The following ADAM22 variants were observed in gnomAD, a reference collection of about 807,000 sequenced individuals.
The protein encoded by ADAM22 is ADAM metallopeptidase domain 22.
In ADAM22, 65 loss-of-function variants were observed where a neutral mutation model predicts 144.6. The ratio of observed to expected loss-of-function variants is 0.45; its 90% CI spans 0.37 to 0.55. ADAM22 has a LOEUF of 0.55. Ranked by LOEUF, ADAM22 falls within the 20% of genes least tolerant of loss-of-function variation. The probability of loss-of-function intolerance (pLI) is 0.00; values close to 1 mark genes in which losing one functional copy is unlikely to be tolerated. For synonymous variants in ADAM22, 391 were observed against 412.6 expected (o/e 0.95, Z 0.63); for missense variants, 974 against 1,184.9 (o/e 0.82, Z 2.61).
intron 4 of ADAM22, among the ~76,000 whole-genome samples, chr7:88,104,051 C>T (rs570331280): frequency 6.6e-5 from 10 of 152,094 alleles, no homozygotes; most frequent in African/African-American, 2.2e-4. Context: ...GATAGAAGTG[C>T]GCAGGAATAT....
intron 3 of ADAM22, among the ~76,000 whole-genome samples, chr7:88,014,624 TC>T (rs1796155607): frequency 6.6e-6 from 1 of 152,060 alleles, no homozygotes; most frequent in African/African-American, 2.4e-5. Context: ...ACACCTGTAA[TC>T]CCAGCTACTC....
Position 87,972,721 on chromosome 7 carries a change from T to G in ADAM22, c.247-5615T>G, listed in dbSNP as rs190392879. Among the ~76,000 whole-genome samples, 203 of 152,328 alleles carry G rather than the reference T, an allele frequency of 1.3e-3. 1 individual carries two copies. The highest frequency in any genetic ancestry group is 4.4e-3 in the African/African-American group (185 of 41,576). On this transcript the variant is annotated intron_variant, in intron 2 of 31. Coordinates refer to ENST00000413139, the MANE Select transcript of ADAM22 (RefSeq NM_001324418.2). ...TACAGTAACCAAAACAGCATGGTAC[T>G]GGTACCAAAACAGAGGTATAGATCT...
At chr7:87,941,971 G>A (rs543796071) in intron 2 of ADAM22, among the ~76,000 whole-genome samples, 1 of 152,166 alleles carries the variant, frequency 6.6e-6, no homozygotes, top group Non-Finnish European at 1.5e-5. Flanking sequence ...CTTGGAGAGA[G>A]GCCTGCTTTT....
intron 2 of ADAM22, among the ~76,000 whole-genome samples, chr7:87,966,720 C>CTTTTTTTTTTTTTTTTTTT (rs1562873898): frequency 3.3e-5 from 1 of 30,172 alleles, no homozygotes; most frequent in African/African-American, 1.8e-4. Flanking sequence ...CAAGGAAAGC[C>CTTTTTTTTTTTTTTTTTTT]GTTTTTTTTT....
chr7:88,022,052 T>G (rs1461907842), intron 3 of ADAM22, among the ~76,000 whole-genome samples: 1 of 151,784 alleles, frequency 6.6e-6, no homozygotes, highest in Non-Finnish European at 1.5e-5. Context: ...AAAAAATTTT[T>G]TATTTTTATT....
chr7:88,039,464 A>AAAAAAAAAAAAATATATAT, intron 3 of ADAM22, among the ~76,000 whole-genome samples: 3 of 76,404 alleles, frequency 3.9e-5, no homozygotes, highest in African/African-American at 1.4e-4. Context: ...AAAAAAAAAA[A>AAAAAAAAAAAAATATATAT]ATATATATAT....
At chr7:87,983,958 C>A (rs1420055614) in intron 3 of ADAM22, among the ~76,000 whole-genome samples, 1 of 151,972 alleles carries the variant, frequency 6.6e-6, no homozygotes, top group Non-Finnish European at 1.5e-5. Context: ...CTTATTTGAC[C>A]TGTTATTATG....
intron 25 of ADAM22, chr7:88,168,476 A>T (rs1009829450): frequency 3.4e-5 from 17 of 504,608 alleles, no homozygotes; most frequent in Non-Finnish European, 6.1e-5. Context: ...CTTGAAGTGA[A>T]TTGAAACCAG....
At chr7:88,021,280 C>G (rs1022628300) in intron 3 of ADAM22, among the ~76,000 whole-genome samples, 1 of 152,174 alleles carries the variant, frequency 6.6e-6, no homozygotes, top group Non-Finnish European at 1.5e-5. Context: ...CAAAAGCAAC[C>G]ATTTCACCAG....
intron 14 of ADAM22, among the ~76,000 whole-genome samples, chr7:88,141,198 T>C (rs1834525072): frequency 6.6e-6 from 1 of 152,098 alleles, no homozygotes; most frequent in African/African-American, 2.4e-5. Context: ...CCACACAAAG[T>C]GTGGGAAAGA....
intron 17 of ADAM22, among the ~76,000 whole-genome samples, chr7:88,146,244 C>T (rs1836371178): frequency 6.6e-6 from 1 of 152,156 alleles, no homozygotes; most frequent in Non-Finnish European, 1.5e-5. Flanking sequence ...GGCACTTAGA[C>T]AGTAATTGGT....
At chr7:88,110,431 T>C (rs1361042596) in intron 5 of ADAM22, among the ~76,000 whole-genome samples, 2 of 152,148 alleles carry the variant, frequency 1.3e-5, no homozygotes, top group Non-Finnish European at 2.9e-5. Context: ...GTCTGCCTTC[T>C]GGTTTTCCAA....
At chr7:88,080,411 A>T (rs995937868) in intron 4 of ADAM22, among the ~76,000 whole-genome samples, 2 of 152,212 alleles carry the variant, frequency 1.3e-5, no homozygotes, top group Non-Finnish European at 2.9e-5. Context: ...TGTAAAATTG[A>T]CACCCTAACA....
At chr7:88,119,292 A>G (rs1828629101) in intron 7 of ADAM22, among the ~76,000 whole-genome samples, 1 of 152,088 alleles carries the variant, frequency 6.6e-6, no homozygotes, top group South Asian at 2.1e-4. Flanking sequence ...TACCCCAATA[A>G]CTTCCTTTGT....
At chr7:87,972,992 A>G (rs149184946) in intron 2 of ADAM22, among the ~76,000 whole-genome samples, 90,244 of 152,074 alleles carry the variant, frequency 0.59, 27,765 homozygotes, top group African/African-American at 0.76. Flanking sequence ...TAAACTCCCT[A>G]GAAGAAAACC....
chr7:88,007,507 G>A (rs570924672), intron 3 of ADAM22, among the ~76,000 whole-genome samples: 2 of 152,266 alleles, frequency 1.3e-5, no homozygotes, highest in Non-Finnish European at 1.5e-5. Context: ...TATACTACAA[G>A]TCTACAGTAA....
intron 2 of ADAM22, among the ~76,000 whole-genome samples, chr7:87,956,227 G>T (rs749773945): frequency 2.0e-5 from 3 of 152,096 alleles, no homozygotes; most frequent in Non-Finnish European, 1.5e-5. Flanking sequence ...CATCACTCAC[G>T]CTGGGAGCTG....
At chr7:88,024,001 C>T (rs918807661) in intron 3 of ADAM22, among the ~76,000 whole-genome samples, 5 of 152,078 alleles carry the variant, frequency 3.3e-5, no homozygotes, top group Non-Finnish European at 7.4e-5. Context: ...GTTTCATCCA[C>T]GTTATTGCAA....
chr7:88,019,137 T>G (rs1010581055), intron 3 of ADAM22, among the ~76,000 whole-genome samples: 5 of 152,132 alleles, frequency 3.3e-5, no homozygotes, highest in Non-Finnish European at 1.5e-5. Flanking sequence ...TGCAAGCAAT[T>G]TAGCACTGAC....
Sources: allele counts gnomAD v4.1 joint callset (sites outside exome capture counted in the v4.1 genomes callset), GRCh38; gene constraint gnomAD v4.1.1; transcripts MANE v1.5; gene names NCBI Gene and HGNC (gene_info 2026-07-23, HGNC 2026-07-21).